The following CDK17 variants were observed in gnomAD, a reference collection of about 807,000 sequenced individuals.
CDK17 encodes cyclin-dependent kinase 17.
In CDK17, 24 loss-of-function variants were observed where a neutral mutation model predicts 77.6. The ratio of observed to expected loss-of-function variants is 0.31; its 90% CI spans 0.22 to 0.44. The LOEUF is 0.44. Ranked by LOEUF, CDK17 falls within the 20% of genes least tolerant of loss-of-function variation. The probability of loss-of-function intolerance (pLI) is 1.00; values close to 1 mark genes in which losing one functional copy is unlikely to be tolerated. For synonymous variants in CDK17, 203 were observed against 210.4 expected (o/e 0.96, Z 0.30); for missense variants, 429 against 622.5 (o/e 0.69, Z 3.31).
At chr12:96,373,127 TAA>T (rs1953719080) in intron 1 of CDK17, among the ~76,000 whole-genome samples, 2 of 152,220 alleles carry the variant, frequency 1.3e-5, no homozygotes, top group Non-Finnish European at 2.9e-5. Context: ...GCACTAGTGA[TAA>T]AGAGTTTATA....
At chr12:96,360,277 AG>A (rs1274556494) in intron 1 of CDK17, among the ~76,000 whole-genome samples, 4 of 152,204 alleles carry the variant, frequency 2.6e-5, no homozygotes, top group African/African-American at 7.2e-5. Context: ...TGGAGGTGGA[AG>A]GGTTGACGGG....
intron 1 of CDK17, among the ~76,000 whole-genome samples, chr12:96,393,561 C>T (rs1018141682): frequency 2.0e-5 from 3 of 151,640 alleles, no homozygotes; most frequent in African/African-American, 7.3e-5. Flanking sequence ...GGCAAAACCC[C>T]ATCTCTACTA....
At chr12:96,379,096 G>C (rs1006511009) in intron 1 of CDK17, among the ~76,000 whole-genome samples, 1 of 152,170 alleles carries the variant, frequency 6.6e-6, no homozygotes, top group Admixed American at 6.5e-5. Context: ...TACATACTAT[G>C]AGACAGAGTA....
chr12:96,311,601 C>CTTTTTTTTTTTTTTTTTTTTT (rs1592719896), intron 4 of CDK17, among the ~76,000 whole-genome samples: 25 of 95,624 alleles, frequency 2.6e-4, no homozygotes, highest in African/African-American at 9.1e-4. Flanking sequence ...GGCATTTCTA[C>CTTTTTTTTTTTTTTTTTTTTT]TTTATTTAAT....
intron 1 of CDK17, among the ~76,000 whole-genome samples, chr12:96,394,437 T>C (rs1263774206): frequency 6.6e-6 from 1 of 152,168 alleles, no homozygotes; most frequent in Non-Finnish European, 1.5e-5. Flanking sequence ...TTCCCTTGTT[T>C]ACAAACATGT....
intron 2 of CDK17, among the ~76,000 whole-genome samples, chr12:96,332,971 C>CT (rs1486905690): frequency 6.6e-6 from 1 of 152,094 alleles, no homozygotes; most frequent in African/African-American, 2.4e-5. Context: ...TGACTCATAT[C>CT]TTTTCTTTAG....
intron 11 of CDK17, among the ~76,000 whole-genome samples, chr12:96,288,131 A>T (rs1952270079): frequency 6.6e-6 from 1 of 152,208 alleles, no homozygotes; most frequent in Non-Finnish European, 1.5e-5. Context: ...TAACAATATA[A>T]ATGTACTTAA....
intron 5 of CDK17, among the ~76,000 whole-genome samples, chr12:96,303,678 AAT>A (rs199606405): frequency 1.3e-5 from 2 of 151,800 alleles, no homozygotes; most frequent in South Asian, 4.1e-4. Flanking sequence ...GAAAATTCTA[AAT>A]ATATATATAA....
chr12:96,375,734 T>C (rs954470688), intron 1 of CDK17, among the ~76,000 whole-genome samples: 2 of 151,876 alleles, frequency 1.3e-5, no homozygotes, highest in Non-Finnish European at 2.9e-5. Context: ...TTAGTAGAGA[T>C]GGGGTTTCAC....
At chr12:96,343,740 C>G (rs993585879) in intron 1 of CDK17, among the ~76,000 whole-genome samples, 1 of 152,124 alleles carries the variant, frequency 6.6e-6, no homozygotes, top group African/African-American at 2.4e-5. Flanking sequence ...CAAGAAAGGC[C>G]TGATGAGTGG....
chr12:96,298,770 A>G (rs1237992835), intron 7 of CDK17, 99 bp downstream of exon 7: 1 of 613,222 alleles, frequency 1.6e-6, no homozygotes, highest in Non-Finnish European at 2.8e-6. Flanking sequence ...TACATCTTCC[A>G]GTCATTTATT....
intron 2 of CDK17, among the ~76,000 whole-genome samples, chr12:96,328,476 A>G (rs1232391364): frequency 6.6e-6 from 1 of 152,182 alleles, no homozygotes; most frequent in East Asian, 1.9e-4. Flanking sequence ...GATACAGATG[A>G]CTATCATAAT....
At chr12:96,368,806 CGGGGG>C (rs113976893) in intron 1 of CDK17, among the ~76,000 whole-genome samples, 32,851 of 67,396 alleles carry the variant, frequency 0.49, 11,742 homozygotes, top group Non-Finnish European at 0.68. Flanking sequence ...TACTCTAAGA[CGGGGG>C]GGGGGGGGGG....
intron 15 of CDK17, chr12:96,282,116 AT>A (rs1952186352): frequency 6.3e-6 from 1 of 157,870 alleles, no homozygotes; most frequent in Non-Finnish European, 1.4e-5. Flanking sequence ...GAAAAAATGT[AT>A]TTTCACAAGA....
chr12:96,317,141 C>G (rs1406170824), intron 3 of CDK17, among the ~76,000 whole-genome samples: 1 of 147,258 alleles, frequency 6.8e-6, no homozygotes, highest in Non-Finnish European at 1.5e-5. Context: ...AACCAAGGCT[C>G]GAGAACTACA....
At chr12:96,345,274 T>C (rs1953187442) in intron 1 of CDK17, among the ~76,000 whole-genome samples, 1 of 152,238 alleles carries the variant, frequency 6.6e-6, no homozygotes, top group Non-Finnish European at 1.5e-5. Flanking sequence ...TTGTGAATAG[T>C]GCTGCAATGA....
intron 1 of CDK17, among the ~76,000 whole-genome samples, chr12:96,344,237 A>G (rs1228628826): frequency 6.6e-6 from 1 of 152,202 alleles, no homozygotes; most frequent in East Asian, 1.9e-4. Context: ...ACCCACCTAC[A>G]CAGCATAGGA....
At chr12:96,347,848 T>G (rs1338761287) in intron 1 of CDK17, among the ~76,000 whole-genome samples, 1 of 152,068 alleles carries the variant, frequency 6.6e-6, no homozygotes, top group Non-Finnish European at 1.5e-5. Context: ...CATAAAAAGC[T>G]CTTTTCCAAT....
In CDK17 at chr12:96,323,238, G is replaced by A. The variant is rs546742977; in HGVS notation, c.283+710C>T. Among the ~76,000 whole-genome samples the A allele has an allele frequency of 1.2e-3, 177 of 149,810 alleles. 1 individual carries two copies. The highest frequency in any genetic ancestry group is 4.3e-3 in the African/African-American group (172 of 40,424). ...ACTTGAGTCCAGGAGTTCAAGACCA[G>A]CCTGGGCAACACAGTGAGACCCCGT... On this transcript the variant is annotated intron_variant, in intron 3 of 16. Coordinates refer to ENST00000261211, the MANE Select transcript of CDK17 (RefSeq NM_002595.5).
Sources: gnomAD v4.1 joint callset for allele counts (sites outside exome capture counted in the v4.1 genomes callset) on GRCh38, gnomAD v4.1.1 for gene constraint, MANE v1.5 for transcripts, NCBI Gene and HGNC (gene_info 2026-07-23, HGNC 2026-07-21) for gene names.